The following HEMK2 variants were observed in gnomAD, a reference collection of about 807,000 sequenced individuals.
HEMK2 encodes HemK methyltransferase 2, ETF1 glutamine and histone H4 lysine.
chr21:28,838,972 A>AAAAAAAAT, the HEMK2 span, among the ~76,000 whole-genome samples: 3 of 29,164 alleles, frequency 1.0e-4, no homozygotes, highest in African/African-American at 1.9e-4. Context: ...AAAAAAAAAA[A>AAAAAAAAT]ATATATATAT....
the HEMK2 span, among the ~76,000 whole-genome samples, chr21:28,809,256 G>A: frequency 0.016 from 2,481 of 152,198 alleles, 76 homozygotes; most frequent in African/African-American, 0.056. Context: ...AAGGTAGAGG[G>A]AGAAATTAAC....
the HEMK2 span, among the ~76,000 whole-genome samples, chr21:28,778,103 T>A: frequency 2.6e-5 from 4 of 152,202 alleles, no homozygotes; most frequent in Admixed American, 6.5e-5. Context: ...GCTCAGCTTT[T>A]ATATAACCAC....
chr21:28,814,946 C>T, the HEMK2 span, among the ~76,000 whole-genome samples: 1 of 152,138 alleles, frequency 6.6e-6, no homozygotes, highest in Non-Finnish European at 1.5e-5. Context: ...TTTACAGCGG[C>T]ACTATTCACA....
the HEMK2 span, chr21:28,876,377 A>G: frequency 6.3e-7 from 1 of 1,578,966 alleles, no homozygotes; most frequent in Non-Finnish European, 8.6e-7. Context: ...CTGGGCACAC[A>G]CTGTATGCTA....
At chr21:28,842,424 T>C in the HEMK2 span, among the ~76,000 whole-genome samples, 7 of 152,270 alleles carry the variant, frequency 4.6e-5, no homozygotes, top group Admixed American at 3.3e-4. Context: ...TGAACTAATA[T>C]CCTAACTTCT....
the HEMK2 span, among the ~76,000 whole-genome samples, chr21:28,777,718 T>TA: frequency 6.6e-6 from 1 of 152,152 alleles, no homozygotes; most frequent in Admixed American, 6.5e-5. Context: ...GTTGTTAGAA[T>TA]AAAAAACATT....
chr21:28,605,981 A>G, the HEMK2 span, among the ~76,000 whole-genome samples: 5 of 152,128 alleles, frequency 3.3e-5, no homozygotes, highest in Non-Finnish European at 7.4e-5. Context: ...TTTTTGGCCA[A>G]TATGTTAAAG....
At chr21:28,744,459 T>C in the HEMK2 span, among the ~76,000 whole-genome samples, 1 of 152,264 alleles carries the variant, frequency 6.6e-6, no homozygotes, top group Middle Eastern at 3.4e-3. Context: ...GCAGTGTCTG[T>C]GGAAGGGTAG....
the HEMK2 span, among the ~76,000 whole-genome samples, chr21:28,721,870 C>T: frequency 1.3e-5 from 2 of 149,490 alleles, no homozygotes; most frequent in Non-Finnish European, 3.0e-5. Flanking sequence ...CCAGATTTGA[C>T]CTAATTAATA....
chr21:28,632,359 C>G, the HEMK2 span, among the ~76,000 whole-genome samples: 2 of 152,182 alleles, frequency 1.3e-5, no homozygotes, highest in African/African-American at 2.4e-5. Context: ...AGTAAGAACT[C>G]TAAATGAGAT....
At chr21:28,730,379 C>G in the HEMK2 span, among the ~76,000 whole-genome samples, 3 of 60,784 alleles carry the variant, frequency 4.9e-5, no homozygotes, top group Admixed American at 7.6e-4. Flanking sequence ...CTCAAACACA[C>G]ACAGACACAC....
the HEMK2 span, among the ~76,000 whole-genome samples, chr21:28,591,514 T>C: frequency 1.8e-4 from 28 of 152,200 alleles, no homozygotes; most frequent in Non-Finnish European, 1.0e-4. Context: ...TCAGAGTCCA[T>C]CAGTAAGTTG....
chr21:28,621,438 T>C, the HEMK2 span, among the ~76,000 whole-genome samples: 1 of 152,188 alleles, frequency 6.6e-6, no homozygotes, highest in African/African-American at 2.4e-5. Flanking sequence ...TGGGTGTATA[T>C]ATATTTAGGA....
chr21:28,734,966 T>A, the HEMK2 span, among the ~76,000 whole-genome samples: 1 of 152,278 alleles, frequency 6.6e-6, no homozygotes, highest in East Asian at 1.9e-4. Flanking sequence ...CCCTCAGGCA[T>A]CTGTGATCAA....
chr21:28,644,829 T>C, the HEMK2 span, among the ~76,000 whole-genome samples: 1 of 152,220 alleles, frequency 6.6e-6, no homozygotes. Context: ...TAATTTTTTG[T>C]TTCTCAGAAA....
At chr21:28,745,176 A>C in the HEMK2 span, among the ~76,000 whole-genome samples, 1 of 152,326 alleles carries the variant, frequency 6.6e-6, no homozygotes, top group South Asian at 2.1e-4. Flanking sequence ...ATTTTGTGTT[A>C]GATCTCTAAG....
At chr21:28,849,214 A>AGTAT in the HEMK2 span, among the ~76,000 whole-genome samples, 1 of 152,200 alleles carries the variant, frequency 6.6e-6, no homozygotes, top group East Asian at 1.9e-4. Flanking sequence ...CCAGAGTTAT[A>AGTAT]GTATGCAGAC....
chr21:28,789,897 TAGAA>T, the HEMK2 span, among the ~76,000 whole-genome samples: 1 of 152,168 alleles, frequency 6.6e-6, no homozygotes, highest in East Asian at 1.9e-4. Flanking sequence ...CACTCACTCA[TAGAA>T]AACAATACCC....
At chr21:28,759,518 T>C in the HEMK2 span, among the ~76,000 whole-genome samples, 25,439 of 152,098 alleles carry the variant, frequency 0.17, 2,465 homozygotes, top group East Asian at 0.26. Flanking sequence ...ATGCTAAAAT[T>C]AGTTAAGACT....
Sources: gnomAD v4.1 joint callset for allele counts (sites outside exome capture counted in the v4.1 genomes callset) on GRCh38, gnomAD v4.1.1 for gene constraint, MANE v1.5 for transcripts, NCBI Gene and HGNC (gene_info 2026-07-23, HGNC 2026-07-21) for gene names.